The following SNX29 variants were observed in gnomAD, a reference collection of about 807,000 sequenced individuals.
SNX29 encodes the protein sorting nexin-29.
A neutral mutation model predicts 102.1 loss-of-function variants in SNX29; 78 were observed. The observed-to-expected ratio is 0.76, with a 90% confidence interval of 0.64 to 0.92. The LOEUF is 0.92. Among genes scored for constraint, SNX29 ranks in the 40% least tolerant of loss-of-function variants. SNX29 has a pLI of 0.00. For missense variants in SNX29, 1,280 were observed against 1,061.7 expected (o/e 1.21, Z -2.86); for synonymous variants, 580 against 414.5 (o/e 1.40, Z -4.85).
At chr16:12,093,251 C>G (rs1278495122) in intron 11 of SNX29, among the ~76,000 whole-genome samples, 2 of 152,150 alleles carry the variant, frequency 1.3e-5, no homozygotes, top group Non-Finnish European at 2.9e-5. Context: ...GTGATCACGG[C>G]AAGTTGAGAA....
chr16:12,234,560 A>G (rs1426401633), intron 14 of SNX29, among the ~76,000 whole-genome samples: 2 of 151,598 alleles, frequency 1.3e-5, no homozygotes, highest in East Asian at 3.9e-4. Flanking sequence ...CCTGTTTTTA[A>G]TTCTGATGAA....
At chr16:12,314,469 C>T (rs576475856) in intron 15 of SNX29, among the ~76,000 whole-genome samples, 1 of 152,222 alleles carries the variant, frequency 6.6e-6, no homozygotes, top group Admixed American at 6.5e-5. Context: ...TGGCCTCAGC[C>T]GAGTTCCCTA....
At chr16:12,247,200 G>A (rs965230680) in intron 14 of SNX29, among the ~76,000 whole-genome samples, 6 of 152,160 alleles carry the variant, frequency 3.9e-5, no homozygotes, top group Admixed American at 2.6e-4. Context: ...CCATTTGGCC[G>A]TTATAGCAGT....
intron 14 of SNX29, among the ~76,000 whole-genome samples, chr16:12,255,543 C>T (rs1379110082): frequency 6.6e-6 from 1 of 152,150 alleles, no homozygotes; most frequent in Non-Finnish European, 1.5e-5. Flanking sequence ...CCATCTCTCC[C>T]CTGCCCCGAC....
chr16:12,126,771 G>A, intron 12 of SNX29, 75 bp downstream of exon 12: 1 of 1,539,320 alleles, frequency 6.5e-7, no homozygotes. Flanking sequence ...GAATATAACA[G>A]ATGAGGGACA....
intron 13 of SNX29, among the ~76,000 whole-genome samples, chr16:12,187,936 G>T (rs1322411615): frequency 6.6e-6 from 1 of 152,152 alleles, no homozygotes; most frequent in Non-Finnish European, 1.5e-5. Context: ...TTTCTGAAGT[G>T]GTGAGGTTGA....
At chr16:12,366,736 T>C (rs1239953236) in intron 16 of SNX29, among the ~76,000 whole-genome samples, 2 of 152,216 alleles carry the variant, frequency 1.3e-5, no homozygotes, top group East Asian at 3.8e-4. Flanking sequence ...CTTTGTTTCT[T>C]CTTTGGTCTC....
At chr16:12,554,830 A>G (rs2856789) in intron 20 of SNX29, among the ~76,000 whole-genome samples, 1 of 152,078 alleles carries the variant, frequency 6.6e-6, no homozygotes, top group Non-Finnish European at 1.5e-5. Flanking sequence ...GCTCTGTGCC[A>G]TTCTTTCCGT....
intron 20 of SNX29, among the ~76,000 whole-genome samples, chr16:12,565,645 G>A (rs973787120): frequency 6.6e-6 from 1 of 152,182 alleles, no homozygotes. Flanking sequence ...GACACATATA[G>A]CCTCGTGACA....
At chr16:12,565,739 C>T (rs188010171) in intron 20 of SNX29, among the ~76,000 whole-genome samples, 4 of 151,962 alleles carry the variant, frequency 2.6e-5, no homozygotes, top group East Asian at 3.8e-4. Flanking sequence ...AGTCCACCCC[C>T]TCCCCATGGG....
chr16:12,557,395 A>T (rs189868655), intron 20 of SNX29: 55 of 152,274 alleles, frequency 3.6e-4, no homozygotes, highest in African/African-American at 1.2e-3. Context: ...GAAACAAGCC[A>T]CCTTTGGCTT....
At chr16:12,271,798 T>G (rs2079099684) in intron 14 of SNX29, among the ~76,000 whole-genome samples, 1 of 152,032 alleles carries the variant, frequency 6.6e-6, no homozygotes. Flanking sequence ...AATTTTTGTA[T>G]TTTTAGTGGA....
intron 19 of SNX29, among the ~76,000 whole-genome samples, chr16:12,512,467 G>C (rs1430403929): frequency 4.2e-5 from 6 of 141,322 alleles, no homozygotes; most frequent in Non-Finnish European, 9.3e-5. Context: ...AGGCTGGAGT[G>C]CAGTGGTGCG....
At chr16:12,390,967 A>T (rs2083509395) in intron 16 of SNX29, among the ~76,000 whole-genome samples, 1 of 152,026 alleles carries the variant, frequency 6.6e-6, no homozygotes. Flanking sequence ...TTGTTTCGAG[A>T]TGGGGTCTCA....
At chr16:12,545,794 C>G (rs535725127) in intron 20 of SNX29, among the ~76,000 whole-genome samples, 1 of 152,064 alleles carries the variant, frequency 6.6e-6, no homozygotes, top group Non-Finnish European at 1.5e-5. Flanking sequence ...CACCACTAGG[C>G]ATACAGGGGC....
chr16:12,329,921 G>A (rs1488659999), intron 15 of SNX29, among the ~76,000 whole-genome samples: 2 of 152,136 alleles, frequency 1.3e-5, no homozygotes, highest in African/African-American at 2.4e-5. Flanking sequence ...ACCCTGTCTT[G>A]TTCCAAAAGG....
At chr16:12,554,991 C>G (rs1037230190) in intron 20 of SNX29, among the ~76,000 whole-genome samples, 3 of 151,930 alleles carry the variant, frequency 2.0e-5, no homozygotes, top group African/African-American at 4.8e-5. Context: ...GCCGGAGCAC[C>G]TTTCTTTCTT....
chr16:12,563,371 G>A (rs552989026), intron 20 of SNX29, among the ~76,000 whole-genome samples: 29 of 152,320 alleles, frequency 1.9e-4, no homozygotes, highest in Non-Finnish European at 2.9e-4. Context: ...TTATCGCCAC[G>A]TTGATATTTT....
chr16:12,397,214 G>A (rs965148785), intron 16 of SNX29, among the ~76,000 whole-genome samples: 2 of 152,222 alleles, frequency 1.3e-5, no homozygotes, highest in Non-Finnish European at 2.9e-5. Context: ...TTTAAGGAGA[G>A]CCTTCTAATG....
Sources: gnomAD v4.1 joint callset for allele counts (sites outside exome capture counted in the v4.1 genomes callset) on GRCh38, gnomAD v4.1.1 for gene constraint, MANE v1.5 for transcripts, NCBI Gene and HGNC (gene_info 2026-07-23, HGNC 2026-07-21) for gene names.